SCN8A: variants seen among roughly 807,000 people sequenced by gnomAD.
SCN8A encodes the protein sodium channel protein type 8 subunit alpha.
SCN8A carries 30 observed loss-of-function variants against 184.1 expected under a neutral mutation model. That is an observed-to-expected ratio of 0.16 (90% confidence interval 0.12 to 0.22). The LOEUF (loss-of-function observed/expected upper bound fraction) is 0.22. Ranked by LOEUF, SCN8A falls within the 10% of genes least tolerant of loss-of-function variation. SCN8A has a pLI of 1.00. For synonymous variants in SCN8A, 852 were observed against 907.0 expected (o/e 0.94, Z 1.09); for missense variants, 1,057 against 2,498.9 (o/e 0.42, Z 12.30).
At position 51,769,894 on chromosome 12, in the gene SCN8A, A is replaced by G; in HGVS notation, c.3399A>G (p.Glu1133=). 6.2e-7 allele frequency: 1 copy of G among 1,605,704 alleles called. No individual in the cohort carries two copies. The highest frequency in any genetic ancestry group is 8.5e-7 in the Non-Finnish European group (1 of 1,176,184). ...KDKLDDTSSS[E]GSTIDIKPEV... ...AACTAGATGACACCAGCTCCTCTGA[A>G]GGAAGCACCATTGATATCAAACCAG... is the stretch of plus-strand genomic sequence containing the variant. The change falls in exon 18 of 27, where the codon GAA becomes GAG. Residue 1133 remains glutamate (E), a synonymous_variant. Coordinates refer to ENST00000627620, the MANE Select transcript of SCN8A (RefSeq NM_001330260.2).
chr12:51,641,716 G>A (rs1398285953), intron 1 of SCN8A, among the ~76,000 whole-genome samples: 2 of 152,196 alleles, frequency 1.3e-5, no homozygotes, highest in East Asian at 3.8e-4. Context: ...TCCACTGTGC[G>A]GAAAGGCAGT....
rs577565116 is a variant in SCN8A, at chr12:51,772,209, G to A, written c.3645+1526G>A. Among the ~76,000 whole-genome samples the A allele has an allele frequency of 3.9e-5, 6 of 152,018 alleles. No individual in the cohort carries two copies. In the South Asian group the frequency reaches 8.3e-4, roughly 21 times the overall value. On this transcript the variant is annotated intron_variant, in intron 19 of 26. Coordinates refer to ENST00000627620, the MANE Select transcript of SCN8A (RefSeq NM_001330260.2). The stretch of plus-strand genomic sequence containing the variant: ...TTGGGAGTTCGAGACCAGCCTGACC[G>A]ATATGGAGAAACCACGTCTCTAGTA...
Position 51,775,815 on chromosome 12 carries a change from G to A in SCN8A, c.3819+1453G>A, listed in dbSNP as rs150769396. On this transcript the variant is annotated intron_variant, in intron 20 of 26. Coordinates refer to ENST00000627620, the MANE Select transcript of SCN8A (RefSeq NM_001330260.2). The stretch of plus-strand genomic sequence containing the variant: ...TGAACTCAAACTGGTACTCCCAGCT[G>A]CCTGGGGAGGCTGTGATTTGAAACA... 7.6e-3 allele frequency among the ~76,000 whole-genome samples: 1,156 copies of A among 152,284 alleles called. 11 individuals carry two copies. The highest frequency in any genetic ancestry group is 0.024 in the African/African-American group (997 of 41,550).
intron 6 of SCN8A, among the ~76,000 whole-genome samples, chr12:51,696,570 T>G (rs1281300703): frequency 1.3e-5 from 2 of 152,234 alleles, no homozygotes; most frequent in Non-Finnish European, 2.9e-5. Context: ...GAAATTTCAA[T>G]TACTTAATCT....
chr12:51,691,745 T>A (rs1433083783), intron 6 of SCN8A, among the ~76,000 whole-genome samples: 1 of 152,222 alleles, frequency 6.6e-6, no homozygotes, highest in Non-Finnish European at 1.5e-5. Flanking sequence ...GTTCTTGAAT[T>A]AAAAGTGTGG....
At chr12:51,727,221 G>T (rs1448319394) in intron 12 of SCN8A, among the ~76,000 whole-genome samples, 1 of 152,000 alleles carries the variant, frequency 6.6e-6, no homozygotes, top group Admixed American at 6.6e-5. Flanking sequence ...CTTGTACGGG[G>T]TTTAACTTCC....
At chr12:51,780,418 T>G (rs1205701629) in intron 20 of SCN8A, 1 of 411,520 alleles carries the variant, frequency 2.4e-6, no homozygotes, top group African/African-American at 2.1e-5. Flanking sequence ...TTTTTTCTTC[T>G]GCCTCTCAAC....
intron 1 of SCN8A, among the ~76,000 whole-genome samples, chr12:51,596,911 C>T (rs2138549552): frequency 6.6e-6 from 1 of 152,262 alleles, no homozygotes; most frequent in South Asian, 2.1e-4. Flanking sequence ...ACCATTGTTA[C>T]CTGGACTTCT....
chr12:51,757,475 A>C (rs1389367491), intron 14 of SCN8A, among the ~76,000 whole-genome samples: 1 of 152,166 alleles, frequency 6.6e-6, no homozygotes, highest in Non-Finnish European at 1.5e-5. Context: ...AATAAGGCTG[A>C]ATTTTTTCTG....
intron 1 of SCN8A, among the ~76,000 whole-genome samples, chr12:51,639,387 G>C (rs1940391930): frequency 6.6e-6 from 1 of 151,998 alleles, no homozygotes; most frequent in South Asian, 2.1e-4. Context: ...AGCAAGGTTT[G>C]AGAGGACTGA....
At chr12:51,732,784 T>A (rs527860368) in intron 12 of SCN8A, among the ~76,000 whole-genome samples, 6 of 152,266 alleles carry the variant, frequency 3.9e-5, no homozygotes, top group African/African-American at 1.4e-4. Flanking sequence ...TTTATTTCTT[T>A]TATTAATTAC....
chr12:51,721,079 A>T (rs1464881548), intron 11 of SCN8A, among the ~76,000 whole-genome samples: 8 of 50,544 alleles, frequency 1.6e-4, no homozygotes, highest in African/African-American at 2.5e-4. Flanking sequence ...AAAAAAAAAA[A>T]ATTATATATA....
chr12:51,629,416 G>A (rs1940149286), intron 1 of SCN8A, among the ~76,000 whole-genome samples: 1 of 152,038 alleles, frequency 6.6e-6, no homozygotes, highest in South Asian at 2.1e-4. Flanking sequence ...GGTTCCCTCA[G>A]CCCCCAAGTT....
intron 26 of SCN8A, among the ~76,000 whole-genome samples, chr12:51,795,028 A>G (rs181728633): frequency 2.0e-4 from 30 of 152,332 alleles, no homozygotes; most frequent in African/African-American, 7.2e-4. Context: ...TTAATGAAAT[A>G]GTCTAGGTAA....
chr12:51,736,659 T>G (rs1942331052), intron 12 of SCN8A, among the ~76,000 whole-genome samples: 1 of 152,194 alleles, frequency 6.6e-6, no homozygotes, highest in Non-Finnish European at 1.5e-5. Context: ...GTGTATGAGC[T>G]CTAATGTCAG....
chr12:51,668,243 AG>A (rs1565880426), intron 2 of SCN8A, among the ~76,000 whole-genome samples: 1 of 152,190 alleles, frequency 6.6e-6, no homozygotes, highest in Admixed American at 6.5e-5. Context: ...TCAACTTTTC[AG>A]GTGTACCTTT....
intron 11 of SCN8A, among the ~76,000 whole-genome samples, chr12:51,720,876 G>A (rs539526558): frequency 6.6e-6 from 1 of 151,666 alleles, no homozygotes; most frequent in African/African-American, 2.4e-5. Context: ...GACCAGCCTG[G>A]CCAACATGGC....
chr12:51,770,784 G>C, intron 19 of SCN8A, 101 bp downstream of exon 19: 2 of 1,235,640 alleles, frequency 1.6e-6, no homozygotes, highest in Non-Finnish European at 2.3e-6. Context: ...TCTGAAAACA[G>C]ATTGGCTGTG....
In SCN8A at chr12:51,667,736, A is replaced by T. The variant is rs529494901; in HGVS notation, c.276+4643A>T. On this transcript the variant is annotated intron_variant, in intron 2 of 26. Coordinates refer to ENST00000627620, the MANE Select transcript of SCN8A (RefSeq NM_001330260.2). ...AGCTGAAACAAGGCCTTCAGAATTG[A>T]CTCCTATCCCTTTTTAATTTCTTAG... 2.6e-5 allele frequency among the ~76,000 whole-genome samples: 4 copies of T among 152,212 alleles called. No individual in the cohort carries two copies. In the South Asian group the frequency reaches 8.3e-4, roughly 32 times the overall value.
Sources: gnomAD v4.1 joint callset for allele counts (sites outside exome capture counted in the v4.1 genomes callset) on GRCh38, gnomAD v4.1.1 for gene constraint, MANE v1.5 for transcripts, NCBI Gene and HGNC (gene_info 2026-07-23, HGNC 2026-07-21) for gene names.